Variants in WDR70 observed in about 807,000 individuals in gnomAD.
The protein encoded by WDR70 is WD repeat domain 70.
WDR70 carries 53 observed loss-of-function variants against 88.6 expected under a neutral mutation model. The observed-to-expected ratio is 0.60, with a 90% CI of 0.48 to 0.75. The LOEUF (loss-of-function observed/expected upper bound fraction) is 0.75, where lower values mean the gene tolerates loss of function less well. Among genes scored for constraint, WDR70 ranks in the 30% least tolerant of loss-of-function variants. The probability of loss-of-function intolerance (pLI) is 0.00; values close to 1 mark genes in which losing one functional copy is unlikely to be tolerated. For synonymous variants in WDR70, 280 were observed against 270.0 expected (o/e 1.04, Z -0.36); for missense variants, 610 against 823.2 (o/e 0.74, Z 3.17).
chr5:37,598,188 T>C (rs1743756989), intron 9 of WDR70, among the ~76,000 whole-genome samples: 1 of 152,236 alleles, frequency 6.6e-6, no homozygotes, highest in Non-Finnish European at 1.5e-5. Context: ...CACATTTGTC[T>C]CTTCGTTCTA....
intron 10 of WDR70, among the ~76,000 whole-genome samples, chr5:37,637,599 T>C (rs897080063): frequency 6.6e-6 from 1 of 152,116 alleles, no homozygotes; most frequent in Non-Finnish European, 1.5e-5. Context: ...TTTTGGTCTT[T>C]AACATTCCTG....
At chr5:37,680,705 T>C (rs1746401313) in intron 10 of WDR70, among the ~76,000 whole-genome samples, 1 of 152,178 alleles carries the variant, frequency 6.6e-6, no homozygotes, top group Non-Finnish European at 1.5e-5. Context: ...GATCAGATGG[T>C]TGTAGGAGTG....
At position 37,396,320 on chromosome 5, in the gene WDR70, A is replaced by G. The variant is rs543029431; in HGVS notation, c.297-55A>G. ...ATCCTGAGAAATGAATACTATTTCC[A>G]AAGTGTGCTCTTCATTGCAGCAGAG... On this transcript the variant is annotated intron_variant, in intron 4 of 17. Transcript: ENST00000265107. The G allele has an allele frequency of 3.4e-6, 5 of 1,487,168 alleles. No individual in the cohort carries two copies. The South Asian group carries it at 7.6e-5, about 23-fold the overall frequency. 92.1% of individuals were successfully genotyped at this position (1,487,168 alleles called of 1,614,324 possible). A position where few individuals can be genotyped will look rare whatever the true frequency, so the allele number is the denominator to read the frequency against.
At chr5:37,527,831 C>G (rs1183089287) in intron 9 of WDR70, among the ~76,000 whole-genome samples, 3 of 152,150 alleles carry the variant, frequency 2.0e-5, no homozygotes, top group Non-Finnish European at 4.4e-5. Context: ...TATGAACAGA[C>G]ACTTCTCAAA....
At chr5:37,714,773 AATT>A (rs1466700495) in intron 13 of WDR70, among the ~76,000 whole-genome samples, 1 of 152,158 alleles carries the variant, frequency 6.6e-6, no homozygotes, top group African/African-American at 2.4e-5. Context: ...TAATAAGAAT[AATT>A]ACCAGACTTT....
intron 2 of WDR70, among the ~76,000 whole-genome samples, chr5:37,380,492 C>A (rs960263076): frequency 1.1e-4 from 16 of 152,174 alleles, no homozygotes; most frequent in Middle Eastern, 3.4e-3. Flanking sequence ...GCGCCCGCCA[C>A]CTCGCCCGGC....
chr5:37,729,863 C>A (rs986612386), intron 17 of WDR70, among the ~76,000 whole-genome samples: 15 of 152,138 alleles, frequency 9.9e-5, no homozygotes, highest in African/African-American at 1.9e-4. Flanking sequence ...TTCATTCCTG[C>A]TCCCTTTTCC....
chr5:37,661,789 A>G (rs1193658328), intron 10 of WDR70, among the ~76,000 whole-genome samples: 1 of 152,162 alleles, frequency 6.6e-6, no homozygotes, highest in Non-Finnish European at 1.5e-5. Flanking sequence ...AAAATATCTC[A>G]AGCACCGATC....
intron 10 of WDR70, among the ~76,000 whole-genome samples, chr5:37,608,817 C>T (rs115354824): frequency 3.7e-4 from 57 of 152,280 alleles, no homozygotes; most frequent in African/African-American, 1.3e-3. Flanking sequence ...CCTCAGCCTC[C>T]CCAAGTGCTG....
At chr5:37,644,156 C>T (rs1745174764) in intron 10 of WDR70, among the ~76,000 whole-genome samples, 1 of 151,898 alleles carries the variant, frequency 6.6e-6, no homozygotes, top group African/African-American at 2.4e-5. Flanking sequence ...GAGGTGTATT[C>T]CTTCTATACC....
At chr5:37,505,230 T>C (rs1159854017) in intron 8 of WDR70, among the ~76,000 whole-genome samples, 3 of 152,210 alleles carry the variant, frequency 2.0e-5, no homozygotes, top group Non-Finnish European at 4.4e-5. Flanking sequence ...CTGGATTTAA[T>C]ATCGATTTCT....
At chr5:37,696,614 A>T (rs187832855) in intron 10 of WDR70, among the ~76,000 whole-genome samples, 1 of 152,350 alleles carries the variant, frequency 6.6e-6, no homozygotes, top group East Asian at 1.9e-4. Context: ...GTAATGGCCC[A>T]GAACCATTGT....
chr5:37,405,255 C>T (rs779540912), intron 5 of WDR70, among the ~76,000 whole-genome samples: 1 of 151,922 alleles, frequency 6.6e-6, no homozygotes, highest in Non-Finnish European at 1.5e-5. Flanking sequence ...AGTATGATTT[C>T]AGTAATTTAA....
chr5:37,393,293 G>C (rs1390619708), intron 4 of WDR70, among the ~76,000 whole-genome samples: 1 of 152,122 alleles, frequency 6.6e-6, no homozygotes, highest in African/African-American at 2.4e-5. Flanking sequence ...ACCCGCCTTG[G>C]CCTCCCAAAG....
chr5:37,650,048 A>G (rs1745355526), intron 10 of WDR70, among the ~76,000 whole-genome samples: 1 of 141,028 alleles, frequency 7.1e-6, no homozygotes, highest in Non-Finnish European at 1.5e-5. Context: ...ATTACTTCTT[A>G]TTATCATCAT....
chr5:37,400,286 C>T (rs1455471747), intron 5 of WDR70, among the ~76,000 whole-genome samples: 4 of 152,072 alleles, frequency 2.6e-5, no homozygotes, highest in African/African-American at 9.7e-5. Context: ...AATTGAAGTT[C>T]ACATATATGT....
chr5:37,423,058 G>C (rs1749995394), intron 5 of WDR70, among the ~76,000 whole-genome samples: 1 of 152,150 alleles, frequency 6.6e-6, no homozygotes, highest in Admixed American at 6.5e-5. Flanking sequence ...GTAGAGAGCA[G>C]TGTGGAAAGA....
At chr5:37,611,255 TTTG>T (rs1429841374) in intron 10 of WDR70, among the ~76,000 whole-genome samples, 1 of 152,172 alleles carries the variant, frequency 6.6e-6, no homozygotes, top group Non-Finnish European at 1.5e-5. Context: ...TCTCATACTA[TTTG>T]TTAACTACTT....
chr5:37,485,684 A>G (rs1337628214), intron 8 of WDR70, among the ~76,000 whole-genome samples: 1 of 151,788 alleles, frequency 6.6e-6, no homozygotes, highest in Admixed American at 6.6e-5. Flanking sequence ...TTATTCATTC[A>G]TTTAATTATT....
Sources: allele counts gnomAD v4.1 joint callset (sites outside exome capture counted in the v4.1 genomes callset), GRCh38; gene constraint gnomAD v4.1.1; transcripts MANE v1.5; gene names NCBI Gene and HGNC (gene_info 2026-07-23, HGNC 2026-07-21).